Variants in OCLN observed in about 807,000 individuals in gnomAD.
OCLN encodes occludin, also known as phosphatase 1, regulatory subunit 115.
A neutral mutation model predicts 47.9 loss-of-function variants in OCLN; 21 were observed. That is an observed-to-expected ratio of 0.44 (90% CI 0.31 to 0.63). The LOEUF (loss-of-function observed/expected upper bound fraction) is 0.63, where lower values mean the gene tolerates loss of function less well. Among genes scored for constraint, OCLN ranks in the 30% least tolerant of loss-of-function variants. The pLI, the probability that OCLN is intolerant of heterozygous loss-of-function variation, is 0.08. For synonymous variants in OCLN, 117 were observed against 198.4 expected (o/e 0.59, Z 3.45); for missense variants, 360 against 571.0 (o/e 0.63, Z 3.77).
intron 1 of OCLN, among the ~76,000 whole-genome samples, chr5:69,496,205 TCTC>T (rs1285316542): frequency 1.3e-5 from 2 of 152,026 alleles, no homozygotes; most frequent in Non-Finnish European, 2.9e-5. Context: ...TTCACACCAT[TCTC>T]CTGCCTCGGC....
chr5:69,519,948 ATAAAG>A (rs1213540742), intron 4 of OCLN, among the ~76,000 whole-genome samples: 10 of 152,144 alleles, frequency 6.6e-5, no homozygotes, highest in African/African-American at 2.4e-4. Context: ...GGCCAACTGT[ATAAAG>A]TAATTTTTGT....
chr5:69,517,866 A>G (rs564363915), intron 4 of OCLN, among the ~76,000 whole-genome samples: 9 of 152,258 alleles, frequency 5.9e-5, no homozygotes, highest in African/African-American at 2.2e-4. Flanking sequence ...AGGCAAGGCC[A>G]CTTGTAGCTG....
At chr5:69,511,858 C>G (rs984841271) in intron 3 of OCLN, among the ~76,000 whole-genome samples, 1 of 152,016 alleles carries the variant, frequency 6.6e-6, no homozygotes, top group Non-Finnish European at 1.5e-5. Context: ...AACTCCATCT[C>G]TACTAAAAAT....
intron 4 of OCLN, among the ~76,000 whole-genome samples, chr5:69,532,111 CTT>C (rs1185907435): frequency 3.3e-5 from 5 of 151,958 alleles, no homozygotes; most frequent in African/African-American, 1.2e-4. Context: ...ATCAAAATAA[CTT>C]TATGTACTAG....
intron 7 of OCLN, among the ~76,000 whole-genome samples, chr5:69,548,462 T>C (rs62371756): frequency 0.91 from 135,479 of 149,430 alleles, 61,796 homozygotes; most frequent in African/African-American, 0.98. Flanking sequence ...TACAGGTGCC[T>C]GCCACCACGC....
At chr5:69,527,272 G>A (rs1249488994) in intron 4 of OCLN, among the ~76,000 whole-genome samples, 13 of 149,174 alleles carry the variant, frequency 8.7e-5, no homozygotes, top group East Asian at 5.9e-4. Flanking sequence ...GTGAGACTTC[G>A]TCTCAAAAAA....
intron 5 of OCLN, among the ~76,000 whole-genome samples, chr5:69,535,160 G>A (rs1309890701): frequency 6.6e-6 from 1 of 151,464 alleles, no homozygotes; most frequent in African/African-American, 2.4e-5. Context: ...TGAAGTTTAG[G>A]TGAGGGTGAG....
chr5:69,547,098 A>G (rs1769730965), intron 6 of OCLN, among the ~76,000 whole-genome samples: 1 of 150,886 alleles, frequency 6.6e-6, no homozygotes, highest in Non-Finnish European at 1.5e-5. Flanking sequence ...TACATTTTTA[A>G]TGTCTATTTT....
chr5:69,511,823 G>A (rs938097008), intron 3 of OCLN, among the ~76,000 whole-genome samples: 2 of 152,134 alleles, frequency 1.3e-5, no homozygotes, highest in East Asian at 1.9e-4. Flanking sequence ...TCAGGAGTTC[G>A]AGACCAGCCT....
chr5:69,521,521 G>A (rs1184166435), intron 4 of OCLN, among the ~76,000 whole-genome samples: 1 of 152,118 alleles, frequency 6.6e-6, no homozygotes. Context: ...TCTAGTCCCA[G>A]CTACTCGGGA....
In OCLN at chr5:69,501,912, G is replaced by A. The variant is rs776937013; in HGVS notation, c.-68-2265G>A. ...GTCCTAAAGGGTATAGAAGAGAGTT[G>A]CCAGGTGGGGCGTGGTGGCTCATGC... is the stretch of plus-strand genomic sequence containing the variant. On this transcript the variant is annotated intron_variant, in intron 1 of 8. Coordinates refer to ENST00000396442, the MANE Select transcript of OCLN (RefSeq NM_001205254.2). Among the ~76,000 whole-genome samples, 3 of 151,972 alleles carry A rather than the reference G, an allele frequency of 2.0e-5. No homozygotes were observed. The East Asian group carries it at 5.8e-4, about 30-fold the overall frequency.
intron 1 of OCLN, among the ~76,000 whole-genome samples, chr5:69,500,409 T>C (rs1768424021): frequency 6.6e-6 from 1 of 151,540 alleles, no homozygotes; most frequent in Admixed American, 6.6e-5. Context: ...TTTTCTTTTT[T>C]TTTTTTTTGA....
At chr5:69,514,958 C>G (rs1162665860) in intron 4 of OCLN, among the ~76,000 whole-genome samples, 2 of 152,240 alleles carry the variant, frequency 1.3e-5, no homozygotes, top group African/African-American at 4.8e-5. Context: ...TCCGATTTCT[C>G]AATCCTTTCC....
At chr5:69,501,977 T>C (rs1768470564) in intron 1 of OCLN, among the ~76,000 whole-genome samples, 1 of 152,114 alleles carries the variant, frequency 6.6e-6, no homozygotes, top group South Asian at 2.1e-4. Flanking sequence ...GAGGGCAGAT[T>C]GCCTGAGCTC....
At chr5:69,507,610 A>T (rs939760390) in intron 2 of OCLN, among the ~76,000 whole-genome samples, 4 of 147,640 alleles carry the variant, frequency 2.7e-5, no homozygotes, top group Admixed American at 1.4e-4. Context: ...TAAAAAGATA[A>T]TTTTTTTTTT....
intron 4 of OCLN, among the ~76,000 whole-genome samples, chr5:69,529,756 C>T (rs773795126): frequency 1.3e-5 from 2 of 152,056 alleles, no homozygotes; most frequent in Non-Finnish European, 2.9e-5. Flanking sequence ...GCGTGCGTCA[C>T]CATGCCTGGC....
intron 4 of OCLN, chr5:69,530,646 G>C (rs890755420): frequency 2.0e-5 from 3 of 152,152 alleles, no homozygotes; most frequent in Admixed American, 2.0e-4. Context: ...TTTGGGTGCT[G>C]TTCTTGCCCA....
intron 3 of OCLN, among the ~76,000 whole-genome samples, chr5:69,511,395 G>A (rs1011310583): frequency 2.6e-5 from 4 of 151,934 alleles, no homozygotes; most frequent in African/African-American, 9.7e-5. Flanking sequence ...ACTTGCCCAT[G>A]TTTTAATTGG....
At chr5:69,514,885 T>G (rs1580561274) in intron 4 of OCLN, among the ~76,000 whole-genome samples, 2 of 152,232 alleles carry the variant, frequency 1.3e-5, no homozygotes, top group East Asian at 1.9e-4. Context: ...AGAATTTTTC[T>G]TAGTACAGAA....
Sources: allele counts gnomAD v4.1 joint callset (sites outside exome capture counted in the v4.1 genomes callset), GRCh38; gene constraint gnomAD v4.1.1; transcripts MANE v1.5; gene names NCBI Gene and HGNC (gene_info 2026-07-23, HGNC 2026-07-21).